Variants in TRIP12 observed in about 807,000 individuals in gnomAD.
TRIP12 encodes the protein E3 ubiquitin-protein ligase TRIP12.
A neutral mutation model predicts 244.2 loss-of-function variants in TRIP12; 25 were observed. The ratio of observed to expected loss-of-function variants is 0.10; its 90% CI spans 0.07 to 0.14. TRIP12 has a LOEUF of 0.14. Ranked by LOEUF, TRIP12 falls within the 10% of genes least tolerant of loss-of-function variation. The probability of loss-of-function intolerance (pLI) is 1.00; values close to 1 mark genes in which losing one functional copy is unlikely to be tolerated. For synonymous variants in TRIP12, 905 were observed against 873.1 expected (o/e 1.04, Z -0.64); for missense variants, 1,677 against 2,486.4 (o/e 0.67, Z 6.92).
chr2:229,795,098 C>A (rs554043509), intron 26 of TRIP12, 81 bp downstream of exon 26: 15 of 1,515,046 alleles, frequency 9.9e-6, no homozygotes, highest in Non-Finnish European at 1.1e-5. Context: ...CAAGACTTTA[C>A]CAGACCTCTT....
intron 1 of TRIP12, chr2:229,900,654 G>C (rs1241125356): frequency 1.3e-5 from 2 of 152,134 alleles, no homozygotes; most frequent in Non-Finnish European, 2.9e-5. Flanking sequence ...TTGAGGTCAG[G>C]AGTTGGAGAT....
rs2046301848 is a variant in TRIP12 at position 229,807,986 on chromosome 2, GAC to G, written c.2340-124_2340-123del. 2.8e-6 allele frequency: 3 copies of G among 1,086,416 alleles called. No individual in the cohort carries two copies. The South Asian group carries it at 5.0e-5, about 18-fold the overall frequency. 67.3% of individuals were successfully genotyped at this position (1,086,416 alleles called of 1,614,324 possible). On this transcript the variant is annotated intron_variant, in intron 16 of 41. Transcript: ENST00000675903. The stretch of plus-strand genomic sequence containing the variant: ...TATTTAGACCAATTTTTTTTTTGGA[GAC>G]AGAGTCTCACTCTGTCGCCCAGGCT...
chr2:229,922,342 T>C (rs569525878), upstream of TRIP12: 9 of 623,380 alleles, frequency 1.4e-5, no homozygotes, highest in South Asian at 1.4e-4. Flanking sequence ...GCTGGAAATT[T>C]CACGGATCAG....
chr2:229,770,813 C>T (rs1352515777), intron 39 of TRIP12, among the ~76,000 whole-genome samples: 1 of 152,122 alleles, frequency 6.6e-6, no homozygotes, highest in Non-Finnish European at 1.5e-5. Flanking sequence ...CTGATGGTTT[C>T]AAAAAGGGGA....
intron 34 of TRIP12, among the ~76,000 whole-genome samples, chr2:229,782,446 A>G (rs1409255047): frequency 1.3e-5 from 2 of 152,254 alleles, no homozygotes; most frequent in East Asian, 1.9e-4. Context: ...TCTTGAGGAC[A>G]GCACTCCTTG....
chr2:229,894,654 T>C (rs1426123791), intron 1 of TRIP12, among the ~76,000 whole-genome samples: 1 of 152,210 alleles, frequency 6.6e-6, no homozygotes, highest in Non-Finnish European at 1.5e-5. Context: ...TGAGAATTTA[T>C]ACATGTGTGG....
At chr2:229,833,849 A>T (rs1012245321) in intron 6 of TRIP12, among the ~76,000 whole-genome samples, 1 of 152,190 alleles carries the variant, frequency 6.6e-6, no homozygotes, top group African/African-American at 2.4e-5. Flanking sequence ...AAAACAAAAA[A>T]ACTACTAGTT....
intron 2 of TRIP12, among the ~76,000 whole-genome samples, chr2:229,875,751 T>C (rs1324570886): frequency 6.6e-6 from 1 of 152,250 alleles, no homozygotes; most frequent in Non-Finnish European, 1.5e-5. Flanking sequence ...GTTGAATCAC[T>C]GTATCACTGT....
intron 4 of TRIP12, among the ~76,000 whole-genome samples, chr2:229,843,141 G>A (rs1467528953): frequency 7.5e-6 from 1 of 134,104 alleles, no homozygotes; most frequent in African/African-American, 2.8e-5. Flanking sequence ...GCTCTGTAAT[G>A]CAGCAAAACT....
intron 2 of TRIP12, among the ~76,000 whole-genome samples, chr2:229,869,260 G>A (rs1234936498): frequency 6.6e-6 from 1 of 152,090 alleles, no homozygotes; most frequent in East Asian, 1.9e-4. Flanking sequence ...AAAAAAGAAA[G>A]TCACATTTCT....
At chr2:229,888,137 A>AT (rs2066451979) in intron 1 of TRIP12, among the ~76,000 whole-genome samples, 1 of 152,232 alleles carries the variant, frequency 6.6e-6, no homozygotes, top group Admixed American at 6.5e-5. Context: ...ACTTTAGAAA[A>AT]TTATACAAAA....
chr2:229,784,162 ACC>A (rs2039265592), intron 34 of TRIP12, among the ~76,000 whole-genome samples: 1 of 151,436 alleles, frequency 6.6e-6, no homozygotes, highest in Non-Finnish European at 1.5e-5. Flanking sequence ...GACTTATACT[ACC>A]TGATTATGAC....
intron 1 of TRIP12, among the ~76,000 whole-genome samples, chr2:229,888,874 G>C (rs2066644468): frequency 6.6e-6 from 1 of 152,034 alleles, no homozygotes; most frequent in Non-Finnish European, 1.5e-5. Flanking sequence ...TATAAGGTAA[G>C]ATAATAAATA....
chr2:229,861,449 GC>G (rs1392457193), intron 2 of TRIP12, among the ~76,000 whole-genome samples: 1 of 152,096 alleles, frequency 6.6e-6, no homozygotes, highest in East Asian at 1.9e-4. Flanking sequence ...GTAATTCATA[GC>G]TGATATCCAC....
At chr2:229,774,555 A>G (rs1434378002) in intron 37 of TRIP12, among the ~76,000 whole-genome samples, 1 of 152,220 alleles carries the variant, frequency 6.6e-6, no homozygotes, top group Non-Finnish European at 1.5e-5. Context: ...TAGGTTGCAT[A>G]TTAGTTAATT....
At chr2:229,875,806 C>G (rs770512174) in intron 2 of TRIP12, among the ~76,000 whole-genome samples, 1 of 152,144 alleles carries the variant, frequency 6.6e-6, no homozygotes, top group Non-Finnish European at 1.5e-5. Flanking sequence ...GAAACGAAGG[C>G]TACAATGACA....
intron 1 of TRIP12, among the ~76,000 whole-genome samples, chr2:229,906,161 T>C (rs1357714784): frequency 4.0e-5 from 6 of 151,570 alleles, no homozygotes. Context: ...AAAAATTAGC[T>C]GGGCATAGTG....
rs535334023 is a variant in TRIP12, at chr2:229,844,351, T to C, written c.1028-3424A>G. Reference sequence around the variant, plus strand: ...CCTACTTAAAAGGAGTCACCAAAGGTAGGTCACTACCAATACTGGAATGGC... The same window carrying C: ...CCTACTTAAAAGGAGTCACCAAAGGCAGGTCACTACCAATACTGGAATGGC... On this transcript the variant is annotated intron_variant, in intron 4 of 41. Transcript: ENST00000675903. Among the ~76,000 whole-genome samples the C allele has an allele frequency of 3.9e-5, 6 of 152,310 alleles. No homozygotes were observed. In the East Asian group the frequency reaches 7.7e-4, roughly 20 times the overall value.
At chr2:229,894,101 G>C (rs2068081069) in intron 1 of TRIP12, among the ~76,000 whole-genome samples, 1 of 152,150 alleles carries the variant, frequency 6.6e-6, no homozygotes, top group South Asian at 2.1e-4. Flanking sequence ...GCTGCAGCGA[G>C]CTGAGATGGC....
Sources: allele counts gnomAD v4.1 joint callset (sites outside exome capture counted in the v4.1 genomes callset), GRCh38; gene constraint gnomAD v4.1.1; transcripts MANE v1.5; gene names NCBI Gene and HGNC (gene_info 2026-07-23, HGNC 2026-07-21).